Variants in DHRSX observed in about 807,000 individuals in gnomAD.
The protein encoded by DHRSX is dehydrogenase/reductase X-linked.
DHRSX carries 31 observed loss-of-function variants against 34.0 expected under a neutral mutation model. The observed-to-expected ratio is 0.91, with a 90% CI of 0.69 to 1.23. The LOEUF (loss-of-function observed/expected upper bound fraction) is 1.23. DHRSX is among the 50% of genes most tolerant of loss of function. The pLI, the probability that DHRSX is intolerant of heterozygous loss-of-function variation, is 0.00. For synonymous variants in DHRSX, 201 were observed against 183.8 expected (o/e 1.09, Z -0.76); for missense variants, 414 against 428.1 (o/e 0.97, Z 0.29).
chrX:2,270,804 A>G (rs539179676), intron 4 of DHRSX, among the ~76,000 whole-genome samples: 1 of 152,166 alleles, frequency 6.6e-6, no homozygotes. Context: ...AGAATTGTAA[A>G]GGCACCAATC....
intron 1 of DHRSX, among the ~76,000 whole-genome samples, chrX:2,461,693 C>T (rs1333815578): frequency 6.6e-6 from 1 of 151,984 alleles, no homozygotes; most frequent in Non-Finnish European, 1.5e-5. Context: ...ACACGCGTGG[C>T]ACCATGTTTG....
chrX:2,489,107 G>A (rs139100576), intron 1 of DHRSX: 142 of 1,613,586 alleles, frequency 8.8e-5, no homozygotes, highest in East Asian at 4.5e-4. Context: ...GGCGGGCGGC[G>A]GCGTGGATGT....
chrX:2,344,482 G>A (rs1456354295), intron 3 of DHRSX, among the ~76,000 whole-genome samples: 1 of 152,054 alleles, frequency 6.6e-6, no homozygotes. Flanking sequence ...TACGACCACA[G>A]ACTGGATAAA....
chrX:2,340,826 G>A (rs904075621), intron 3 of DHRSX, among the ~76,000 whole-genome samples: 60 of 152,166 alleles, frequency 3.9e-4, no homozygotes, highest in African/African-American at 1.2e-3. Flanking sequence ...ACAAAAGGAA[G>A]GAAAAAGAGT....
intron 3 of DHRSX, among the ~76,000 whole-genome samples, chrX:2,323,849 C>T (rs1215639197): frequency 1.3e-5 from 2 of 151,732 alleles, no homozygotes; most frequent in Non-Finnish European, 2.9e-5. Context: ...TAGGGGCTTC[C>T]GGTTTCTCCT....
intron 3 of DHRSX, among the ~76,000 whole-genome samples, chrX:2,363,941 A>G (rs1396723074): frequency 6.6e-6 from 1 of 152,014 alleles, no homozygotes; most frequent in African/African-American, 2.4e-5. Context: ...TTCCACACTC[A>G]ACACACAGGG....
chrX:2,329,865 A>G (rs190910806), intron 3 of DHRSX, among the ~76,000 whole-genome samples: 36 of 152,122 alleles, frequency 2.4e-4, no homozygotes, highest in African/African-American at 8.4e-4. Context: ...AATGGATGAA[A>G]CACACAAGTA....
At chrX:2,364,044 T>C (rs1412475413) in intron 3 of DHRSX, among the ~76,000 whole-genome samples, 1 of 152,102 alleles carries the variant, frequency 6.6e-6, no homozygotes, top group Non-Finnish European at 1.5e-5. Context: ...AGGGGAATCA[T>C]AATGCTACGT....
rs183898626 is a variant in DHRSX, at chrX:2,243,013, A to G, written c.804+10T>C. 3.1e-4 allele frequency: 497 copies of G among 1,610,958 alleles called. 1 individual carries two copies. In the African/African-American group the frequency reaches 5.6e-3, roughly 18 times the overall value. The stretch of plus-strand genomic sequence containing the variant: ...TGCAGCCGTGAATCAGAGAAGCAGA[A>G]GGGGCTTACCTTGAAAAGCAACCAG... On this transcript the variant is annotated intron_variant, in intron 6 of 6. Transcript: ENST00000334651.
At chrX:2,318,803 CCTTTA>C (rs1357476488) in intron 3 of DHRSX, among the ~76,000 whole-genome samples, 14 of 152,076 alleles carry the variant, frequency 9.2e-5, no homozygotes, top group African/African-American at 3.1e-4. Context: ...ACTCTTTATT[CCTTTA>C]CTTTCTTAAT....
chrX:2,473,394 C>T (rs146532936), intron 1 of DHRSX, among the ~76,000 whole-genome samples: 2 of 151,770 alleles, frequency 1.3e-5, no homozygotes, highest in African/African-American at 2.4e-5. Flanking sequence ...GAGGCCGAGG[C>T]GGATGGATCA....
chrX:2,264,955 G>A (rs1427070966), intron 5 of DHRSX, among the ~76,000 whole-genome samples: 2 of 125,850 alleles, frequency 1.6e-5, no homozygotes, highest in African/African-American at 3.6e-5. Flanking sequence ...AGGGAGCACC[G>A]TAGCCAGAGC....
intron 1 of DHRSX, among the ~76,000 whole-genome samples, chrX:2,464,870 G>A (rs2044467385): frequency 6.6e-6 from 1 of 151,900 alleles, no homozygotes; most frequent in Non-Finnish European, 1.5e-5. Flanking sequence ...AATTCCCTAA[G>A]CATGTGGCGC....
At chrX:2,479,337 C>T (rs1193756474) in intron 1 of DHRSX, among the ~76,000 whole-genome samples, 6 of 149,090 alleles carry the variant, frequency 4.0e-5, no homozygotes, top group Non-Finnish European at 3.0e-5. Context: ...GATCCCTAAG[C>T]TTGTGGCTAA....
intron 1 of DHRSX, among the ~76,000 whole-genome samples, chrX:2,439,012 G>A (rs2044031450): frequency 6.6e-6 from 1 of 151,866 alleles, no homozygotes; most frequent in Non-Finnish European, 1.5e-5. Flanking sequence ...CAGCGTGGTG[G>A]CTGGCGCCTG....
At chrX:2,335,687 C>T (rs945954544) in intron 3 of DHRSX, among the ~76,000 whole-genome samples, 2 of 151,968 alleles carry the variant, frequency 1.3e-5, no homozygotes, top group African/African-American at 4.8e-5. Context: ...CTCTTTACCT[C>T]GTGTTCTGCC....
chrX:2,321,992 A>T (rs867475250), intron 3 of DHRSX, among the ~76,000 whole-genome samples: 2 of 152,190 alleles, frequency 1.3e-5, no homozygotes, highest in South Asian at 4.1e-4. Flanking sequence ...TTATCTTTCC[A>T]TAAGTGATTG....
intron 1 of DHRSX, among the ~76,000 whole-genome samples, chrX:2,458,744 TCA>T: frequency 6.6e-6 from 1 of 152,064 alleles, no homozygotes; most frequent in South Asian, 2.1e-4. Flanking sequence ...ATGTCTGGAA[TCA>T]CAATGCTATG....
At chrX:2,299,574 G>A (rs1440886286) in intron 3 of DHRSX, among the ~76,000 whole-genome samples, 5 of 152,124 alleles carry the variant, frequency 3.3e-5, no homozygotes, top group Non-Finnish European at 7.3e-5. Flanking sequence ...ACCTCATCTG[G>A]CCGGGTGTGG....
Sources: gnomAD v4.1 joint callset for allele counts (sites outside exome capture counted in the v4.1 genomes callset) on GRCh38, gnomAD v4.1.1 for gene constraint, MANE v1.5 for transcripts, NCBI Gene and HGNC (gene_info 2026-07-23, HGNC 2026-07-21) for gene names.